Variants in PLPP4 observed in about 807,000 individuals in gnomAD.
The protein encoded by PLPP4 is phospholipid phosphatase 4, also known as diacylglycerol pyrophosphate like 2.
PLPP4 carries 20 observed loss-of-function variants against 32.2 expected under a neutral mutation model. That is an observed-to-expected ratio of 0.62 (90% confidence interval 0.44 to 0.90). The LOEUF (loss-of-function observed/expected upper bound fraction) is 0.90. Ranked by LOEUF, PLPP4 falls within the 40% of genes least tolerant of loss-of-function variation. The probability of loss-of-function intolerance (pLI) is 0.00; values close to 1 mark genes in which losing one functional copy is unlikely to be tolerated. For missense variants in PLPP4, 257 were observed against 353.1 expected (o/e 0.73, Z 2.18); for synonymous variants, 127 against 133.0 (o/e 0.95, Z 0.31).
intron 5 of PLPP4, among the ~76,000 whole-genome samples, chr10:120,556,349 A>G (rs1186293610): frequency 6.6e-6 from 1 of 151,976 alleles, no homozygotes; most frequent in African/African-American, 2.4e-5. Flanking sequence ...GATTTTTCTG[A>G]TGTTTGTTCT....
intron 1 of PLPP4, among the ~76,000 whole-genome samples, chr10:120,496,916 T>A (rs545012993): frequency 4.6e-5 from 2 of 43,902 alleles, no homozygotes; most frequent in African/African-American, 1.3e-4. Context: ...TGTGTGAGTG[T>A]GTGTGTGTGT....
intron 5 of PLPP4, among the ~76,000 whole-genome samples, chr10:120,542,516 A>G (rs1370864244): frequency 6.6e-6 from 1 of 152,182 alleles, no homozygotes; most frequent in Non-Finnish European, 1.5e-5. Context: ...CTCCTCCAAA[A>G]TGTTTATGAA....
intron 2 of PLPP4, among the ~76,000 whole-genome samples, chr10:120,513,399 G>A (rs138496472): frequency 6.6e-6 from 1 of 152,284 alleles, no homozygotes; most frequent in African/African-American, 2.4e-5. Flanking sequence ...GGAGGAAAGG[G>A]TATAGAGGAA....
At chr10:120,564,914 C>T (rs775417196) in intron 5 of PLPP4, among the ~76,000 whole-genome samples, 1 of 151,876 alleles carries the variant, frequency 6.6e-6, no homozygotes, top group Admixed American at 6.6e-5. Context: ...ATATTTAAAG[C>T]CTTATTCGTA....
chr10:120,525,075 CTGCTAGCTT>C (rs1382235687), intron 5 of PLPP4, among the ~76,000 whole-genome samples: 1 of 152,218 alleles, frequency 6.6e-6, no homozygotes, highest in African/African-American at 2.4e-5. Flanking sequence ...AGTCCAGTGG[CTGCTAGCTT>C]TTGTAGGTAG....
chr10:120,565,599 T>A (rs1213723418), intron 5 of PLPP4, among the ~76,000 whole-genome samples: 1 of 152,172 alleles, frequency 6.6e-6, no homozygotes, highest in Non-Finnish European at 1.5e-5. Context: ...TTTAACAACT[T>A]GCTTCTCTTT....
At position 120,457,294 on chromosome 10, in the gene PLPP4, T is replaced by C; in HGVS notation, c.-12T>C. Reference sequence around the variant, plus strand: ...CACCAGCTGACGCCGCGGGAGCTGCTCCGGCCGCACCATGCGGGAGCTGGC... The same window carrying C: ...CACCAGCTGACGCCGCGGGAGCTGCCCCGGCCGCACCATGCGGGAGCTGGC... On this transcript the variant is annotated 5_prime_UTR_variant, in exon 1 of 7. Coordinates refer to ENST00000398250, the MANE Select transcript of PLPP4 (RefSeq NM_001030059.3). 6.6e-7 allele frequency: 1 copy of C among 1,514,264 alleles called. No individual in the cohort carries two copies. The highest frequency in any genetic ancestry group is 8.9e-7 in the Non-Finnish European group (1 of 1,129,160). 93.8% of individuals were successfully genotyped at this position (1,514,264 alleles called of 1,614,324 possible). A position where few individuals can be genotyped will look rare whatever the true frequency, so the allele number is the denominator to read the frequency against.
intron 1 of PLPP4, among the ~76,000 whole-genome samples, chr10:120,481,778 C>T (rs773702569): frequency 5.3e-5 from 8 of 152,288 alleles, no homozygotes; most frequent in East Asian, 3.9e-4. Context: ...GCAACTGATA[C>T]GGTTTGACTG....
chr10:120,587,185 G>A (rs1330021462), intron 6 of PLPP4: 2 of 152,430 alleles, frequency 1.3e-5, no homozygotes, highest in Non-Finnish European at 2.9e-5. Flanking sequence ...GAGTGAAGGG[G>A]AAATGGCTGG....
intron 1 of PLPP4, among the ~76,000 whole-genome samples, chr10:120,493,714 T>A (rs548504604): frequency 6.6e-6 from 1 of 152,278 alleles, no homozygotes; most frequent in South Asian, 2.1e-4. Context: ...CGTGTTTTCA[T>A]TGTCTCTTAT....
At chr10:120,523,984 C>G (rs1846282132) in intron 5 of PLPP4, among the ~76,000 whole-genome samples, 2 of 152,222 alleles carry the variant, frequency 1.3e-5, no homozygotes, top group African/African-American at 4.8e-5. Flanking sequence ...GAAGCATTTT[C>G]CGACATGGCT....
At chr10:120,470,421 A>G (rs1406609774) in intron 1 of PLPP4, among the ~76,000 whole-genome samples, 1 of 152,146 alleles carries the variant, frequency 6.6e-6, no homozygotes, top group African/African-American at 2.4e-5. Flanking sequence ...CTATTATTGT[A>G]TACAAGTTTT....
At chr10:120,504,849 C>A (rs1160244948) in intron 2 of PLPP4, among the ~76,000 whole-genome samples, 1 of 152,192 alleles carries the variant, frequency 6.6e-6, no homozygotes, top group Non-Finnish European at 1.5e-5. Context: ...TTTAGCTGGT[C>A]AGTTTTTGGC....
chr10:120,559,826 T>C (rs927996720), intron 5 of PLPP4, among the ~76,000 whole-genome samples: 60 of 152,316 alleles, frequency 3.9e-4, no homozygotes, highest in African/African-American at 1.3e-3. Context: ...AAGTTAAAAT[T>C]TATCAGACCT....
At chr10:120,477,935 G>A (rs1444874528) in intron 1 of PLPP4, among the ~76,000 whole-genome samples, 2 of 152,126 alleles carry the variant, frequency 1.3e-5, no homozygotes, top group African/African-American at 4.8e-5. Flanking sequence ...GAGAATCTTA[G>A]AGGACAAGTT....
intron 2 of PLPP4, among the ~76,000 whole-genome samples, chr10:120,512,564 G>T (rs1268010595): frequency 1.3e-5 from 2 of 152,144 alleles, no homozygotes; most frequent in Non-Finnish European, 2.9e-5. Flanking sequence ...TAAGGGTGTG[G>T]AGCATCTAAG....
intron 3 of PLPP4, 71 bp downstream of exon 3, chr10:120,514,072 T>C (rs1056802236): frequency 8.8e-7 from 1 of 1,140,080 alleles, no homozygotes; most frequent in Non-Finnish European, 1.3e-6. Context: ...TTAAGAAATC[T>C]CAGTTACACC....
chr10:120,466,436 C>T (rs1017383482), intron 1 of PLPP4, among the ~76,000 whole-genome samples: 1 of 152,092 alleles, frequency 6.6e-6, no homozygotes, highest in African/African-American at 2.4e-5. Context: ...ACTGCTGCTA[C>T]CCACAACAAC....
intron 5 of PLPP4, among the ~76,000 whole-genome samples, chr10:120,533,035 A>G (rs559441111): frequency 6.6e-6 from 1 of 152,310 alleles, no homozygotes; most frequent in South Asian, 2.1e-4. Context: ...GAAGGTAATA[A>G]CAACTAAGAA....
Sources: gnomAD v4.1 joint callset for allele counts (sites outside exome capture counted in the v4.1 genomes callset) on GRCh38, gnomAD v4.1.1 for gene constraint, MANE v1.5 for transcripts, NCBI Gene and HGNC (gene_info 2026-07-23, HGNC 2026-07-21) for gene names.